The following AGAP1 variants were observed in gnomAD, a reference collection of about 807,000 sequenced individuals.
AGAP1 encodes the protein ArfGAP with GTPase domain, ankyrin repeat and PH domain 1.
AGAP1 carries 29 observed loss-of-function variants against 105.3 expected under a neutral mutation model. The ratio of observed to expected loss-of-function variants is 0.28; its 90% CI spans 0.21 to 0.38. The LOEUF is 0.38. Ranked by LOEUF, AGAP1 falls within the 10% of genes least tolerant of loss-of-function variation. The probability of loss-of-function intolerance (pLI) is 1.00; values close to 1 mark genes in which losing one functional copy is unlikely to be tolerated. For missense variants in AGAP1, 998 were observed against 1,165.1 expected, an observed-to-expected ratio of 0.86 and a Z score of 2.09; for synonymous variants, 509 against 485.9, an observed-to-expected ratio of 1.05 and a Z score of -0.63.
chr2:235,812,775 C>T (rs1336327515), intron 9 of AGAP1, among the ~76,000 whole-genome samples: 2 of 152,296 alleles, frequency 1.3e-5, no homozygotes, highest in Non-Finnish European at 2.9e-5. Context: ...TACAGGAGGA[C>T]GGCTCACGTT....
chr2:236,069,306 T>C (rs1318423267), intron 16 of AGAP1, among the ~76,000 whole-genome samples: 2 of 152,190 alleles, frequency 1.3e-5, no homozygotes, highest in Non-Finnish European at 2.9e-5. Context: ...TAATTGAATA[T>C]ATATCATAAA....
At chr2:235,886,380 C>G (rs1223125276) in intron 10 of AGAP1, among the ~76,000 whole-genome samples, 1 of 152,232 alleles carries the variant, frequency 6.6e-6, no homozygotes, top group Non-Finnish European at 1.5e-5. Flanking sequence ...TGCTTCTTGC[C>G]AAGGGGCAGA....
chr2:235,551,144 C>T lies in AGAP1; in HGVS notation c.163+56295C>T, dbSNP rs1210588229. Among the ~76,000 whole-genome samples, 2 of 152,132 alleles carry T rather than the reference C, an allele frequency of 1.3e-5. No homozygotes were observed. The highest frequency in any genetic ancestry group is 4.8e-5 in the African/African-American group (2 of 41,430). On this transcript the variant is annotated intron_variant, in intron 1 of 17. Transcript: ENST00000304032. This position sits in a 1 kb window ranked among gnomAD's most constrained non-coding sequence, Gnocchi z 4.8. ...GTGGGGGGTCGGGGGCATCCCACCT[C>T]CCTGGCCACCTCCAGTGGTGTGAGT...
At chr2:236,066,380 C>A (rs1017294271) in intron 16 of AGAP1, among the ~76,000 whole-genome samples, 16 of 152,166 alleles carry the variant, frequency 1.1e-4, no homozygotes, top group African/African-American at 3.9e-4. Context: ...CACCTGCCAC[C>A]ACGCCCAGTT....
chr2:235,837,530 C>G (rs915170320), intron 9 of AGAP1, among the ~76,000 whole-genome samples: 1 of 151,936 alleles, frequency 6.6e-6, no homozygotes, highest in African/African-American at 2.4e-5. Flanking sequence ...TCAGGCAAAC[C>G]CCTAGACCTC....
At chr2:235,913,797 G>A (rs143210617) in intron 11 of AGAP1, among the ~76,000 whole-genome samples, 3 of 152,138 alleles carry the variant, frequency 2.0e-5, no homozygotes, top group Non-Finnish European at 4.4e-5. Context: ...TGTGATACGG[G>A]CACGTAAATA....
At chr2:236,030,162 C>T (rs1284881424) in intron 13 of AGAP1, among the ~76,000 whole-genome samples, 2 of 152,158 alleles carry the variant, frequency 1.3e-5, no homozygotes, top group African/African-American at 2.4e-5. Context: ...AGTCTGTGAT[C>T]GTCTTGATAT....
intron 1 of AGAP1, among the ~76,000 whole-genome samples, chr2:235,523,990 C>T (rs1320853209): frequency 6.6e-6 from 1 of 152,170 alleles, no homozygotes; most frequent in Non-Finnish European, 1.5e-5. Flanking sequence ...GGCCCACTCA[C>T]CACCCTGTGA....
At chr2:235,851,208 G>A (rs10193284) in intron 9 of AGAP1, among the ~76,000 whole-genome samples, 10,477 of 152,308 alleles carry the variant, frequency 0.069, 1,179 homozygotes, top group African/African-American at 0.24. Flanking sequence ...GTGGACCTGA[G>A]AGGGCCCTGT....
intron 6 of AGAP1, chr2:235,774,222 A>G: frequency 2.2e-5 from 9 of 402,920 alleles, no homozygotes; most frequent in South Asian, 1.7e-4. Context: ...TCTATAAACT[A>G]AAAATGCACA....
chr2:236,098,457 C>T (rs887668916), intron 16 of AGAP1, among the ~76,000 whole-genome samples: 1 of 151,896 alleles, frequency 6.6e-6, no homozygotes. Context: ...GTAATCCCAG[C>T]TACCAGGGAG....
rs1028775296 is a variant in AGAP1 at position 235,719,676 on chromosome 2, C to A, written c.310+2032C>A. On this transcript the variant is annotated intron_variant, in intron 3 of 17. Coordinates refer to ENST00000304032, the MANE Select transcript of AGAP1 (RefSeq NM_001037131.3). The surrounding 1 kb of genome is among the most constrained non-coding windows in gnomAD (Gnocchi z 4.9). ...AAGTAGCTCATCCCCTCCATGGGGCCCCATGCCCAAGGCTTCCTGGGTCAG... is the reference window on the plus strand; with the variant it reads ...AAGTAGCTCATCCCCTCCATGGGGCACCATGCCCAAGGCTTCCTGGGTCAG... 1.3e-5 allele frequency among the ~76,000 whole-genome samples: 2 copies of A among 152,192 alleles called. No individual in the cohort carries two copies. Among genetic ancestry groups the A allele is most frequent in the African/African-American group, 4.8e-5 (2 of 41,434 alleles).
At position 235,612,833 on chromosome 2, in the gene AGAP1, C is replaced by T. The variant is rs750646171; in HGVS notation, c.164-96346C>T. ...TGATCTTGTGGAGGGAATGACCCCACGTCTCTGGATTCTGGCTTCTGCTTC... is the reference window on the plus strand; with the variant it reads ...TGATCTTGTGGAGGGAATGACCCCATGTCTCTGGATTCTGGCTTCTGCTTC... On this transcript the variant is annotated intron_variant, in intron 1 of 17. Coordinates refer to ENST00000304032, the MANE Select transcript of AGAP1 (RefSeq NM_001037131.3). This position sits in a 1 kb window ranked among gnomAD's most constrained non-coding sequence, Gnocchi z 4.3. Among the ~76,000 whole-genome samples the T allele has an allele frequency of 7.9e-5, 12 of 152,232 alleles. No individual in the cohort carries two copies. The highest frequency in any genetic ancestry group is 2.2e-4 in the African/African-American group (9 of 41,540).
At chr2:235,767,312 C>G (rs1471514354) in intron 6 of AGAP1, among the ~76,000 whole-genome samples, 2 of 152,192 alleles carry the variant, frequency 1.3e-5, no homozygotes, top group Non-Finnish European at 1.5e-5. Flanking sequence ...AGTGATTGGC[C>G]AGGCACCTCA....
chr2:235,643,339 G>A (rs1459629899), intron 1 of AGAP1, among the ~76,000 whole-genome samples: 3 of 147,640 alleles, frequency 2.0e-5, no homozygotes, highest in Non-Finnish European at 4.4e-5. Context: ...ACTGAGGCAG[G>A]AGAATTGCTT....
At chr2:235,817,794 G>GTCTTCACATT (rs1958542276) in intron 9 of AGAP1, among the ~76,000 whole-genome samples, 3 of 152,164 alleles carry the variant, frequency 2.0e-5, no homozygotes, top group Non-Finnish European at 4.4e-5. Flanking sequence ...GGGAGCCTGA[G>GTCTTCACATT]GCAGGAGAAT....
intron 1 of AGAP1, among the ~76,000 whole-genome samples, chr2:235,708,042 AC>A (rs1414468539): frequency 6.6e-6 from 1 of 152,156 alleles, no homozygotes; most frequent in African/African-American, 2.4e-5. Context: ...CCTGTGTCAC[AC>A]CCATGGTGTG....
intron 6 of AGAP1, among the ~76,000 whole-genome samples, chr2:235,771,747 TC>T (rs1955467316): frequency 6.6e-6 from 1 of 151,924 alleles, no homozygotes; most frequent in African/African-American, 2.4e-5. Context: ...ACTCCTTACC[TC>T]CCCCTCTTCC....
chr2:235,547,267 T>C (rs576087256), intron 1 of AGAP1, among the ~76,000 whole-genome samples: 82 of 152,288 alleles, frequency 5.4e-4, no homozygotes, highest in African/African-American at 1.8e-3. Flanking sequence ...AAGAAATCTC[T>C]TTAGCAAGTC....
Sources: gnomAD v4.1 joint callset for allele counts (sites outside exome capture counted in the v4.1 genomes callset) on GRCh38, gnomAD v4.1.1 for gene constraint, Gnocchi (gnomAD v3.1) non-coding constraint, MANE v1.5 for transcripts, NCBI Gene and HGNC (gene_info 2026-07-23, HGNC 2026-07-21) for gene names.